The following CAST variants were observed in gnomAD, a reference collection of about 807,000 sequenced individuals.
The protein encoded by CAST is calpastatin.
Under a neutral mutation model 119.6 loss-of-function variants are expected in CAST, and 76 were observed. That is an observed-to-expected ratio of 0.64 (90% CI 0.53 to 0.77). The LOEUF is 0.77. Ranked by LOEUF, CAST falls within the 30% of genes least tolerant of loss-of-function variation. The pLI is 0.00. For missense variants in CAST, 953 were observed against 946.5 expected, an observed-to-expected ratio of 1.01 and a Z score of -0.09; for synonymous variants, 319 against 331.6, an observed-to-expected ratio of 0.96 and a Z score of 0.41.
chr5:96,365,002 C>G, the CAST span, among the ~76,000 whole-genome samples: 6 of 152,182 alleles, frequency 3.9e-5, no homozygotes, highest in South Asian at 1.2e-3. Context: ...TAAGTGTGTC[C>G]CAGAGATTCT....
At chr5:96,402,297 A>G in the CAST span, among the ~76,000 whole-genome samples, 2,107 of 152,330 alleles carry the variant, frequency 0.014, 13 homozygotes, top group Non-Finnish European at 0.021. Flanking sequence ...CCCCATGCAG[A>G]CACAGTGTGC....
At chr5:96,108,839 A>C in the CAST span, among the ~76,000 whole-genome samples, 1 of 152,198 alleles carries the variant, frequency 6.6e-6, no homozygotes, top group Non-Finnish European at 1.5e-5. Context: ...GCCACCTTGC[A>C]GTTGGATCTC....
At chr5:96,616,753 TACAC>T (rs377159898) in intron 1 of CAST, among the ~76,000 whole-genome samples, 13,165 of 130,526 alleles carry the variant, frequency 0.1, 1,152 homozygotes, top group African/African-American at 0.24. Flanking sequence ...TCTATATATA[TACAC>T]ACACACACAC....
chr5:96,386,061 AGATTCGTTTTTAC>A, the CAST span, among the ~76,000 whole-genome samples: 3 of 152,246 alleles, frequency 2.0e-5, no homozygotes, highest in Non-Finnish European at 2.9e-5. Flanking sequence ...TATTTATCTC[AGATTCGTTTTTAC>A]GATTCTTGTG....
At chr5:96,127,838 A>G in the CAST span, among the ~76,000 whole-genome samples, 4 of 152,036 alleles carry the variant, frequency 2.6e-5, no homozygotes, top group African/African-American at 7.2e-5. Flanking sequence ...TTTGTGATAA[A>G]CCCTGTTGGT....
At chr5:96,718,172 T>G (rs577002741) in intron 3 of CAST, among the ~76,000 whole-genome samples, 4 of 152,252 alleles carry the variant, frequency 2.6e-5, no homozygotes, top group African/African-American at 9.6e-5. Flanking sequence ...AGAGGTTAAT[T>G]TGGGCTAATA....
the CAST span, among the ~76,000 whole-genome samples, chr5:96,263,425 G>A: frequency 6.6e-6 from 1 of 152,138 alleles, no homozygotes; most frequent in African/African-American, 2.4e-5. Flanking sequence ...GAGCCATTAT[G>A]GATGGATGGA....
chr5:96,697,082 G>A (rs1382649748), intron 3 of CAST, among the ~76,000 whole-genome samples: 1 of 150,550 alleles, frequency 6.6e-6, no homozygotes, highest in African/African-American at 2.4e-5. Context: ...GCAGGAGAAT[G>A]GCTTGAACCC....
chr5:96,211,211 A>T, the CAST span, among the ~76,000 whole-genome samples: 3 of 151,974 alleles, frequency 2.0e-5, no homozygotes, highest in African/African-American at 7.2e-5. Context: ...GGTGAGTAAG[A>T]GTGATAAAAG....
intron 3 of CAST, among the ~76,000 whole-genome samples, chr5:96,699,573 C>G (rs929344828): frequency 2.0e-5 from 3 of 152,312 alleles, no homozygotes; most frequent in Admixed American, 2.0e-4. Context: ...GCAGAAGACT[C>G]AAAATCCCTA....
At chr5:96,126,886 A>T in the CAST span, among the ~76,000 whole-genome samples, 1 of 152,138 alleles carries the variant, frequency 6.6e-6, no homozygotes, top group Non-Finnish European at 1.5e-5. Context: ...CATATTTTGA[A>T]TTCAATGGGA....
chr5:96,325,461 T>TA, the CAST span, among the ~76,000 whole-genome samples: 3 of 151,016 alleles, frequency 2.0e-5, no homozygotes, highest in African/African-American at 7.3e-5. Context: ...TTCTTTTATT[T>TA]TTTTATTTAT....
At chr5:96,066,858 G>T in the CAST span, among the ~76,000 whole-genome samples, 1 of 151,922 alleles carries the variant, frequency 6.6e-6, no homozygotes, top group African/African-American at 2.4e-5. Context: ...TAGAGATGGG[G>T]TCTTAGTATG....
the CAST span, among the ~76,000 whole-genome samples, chr5:96,155,010 A>G: frequency 6.6e-6 from 1 of 152,168 alleles, no homozygotes; most frequent in Non-Finnish European, 1.5e-5. Context: ...CAGAATACTT[A>G]TGTAAGTTAT....
chr5:96,739,636 A>G (rs1308718310), intron 11 of CAST, among the ~76,000 whole-genome samples: 2 of 152,194 alleles, frequency 1.3e-5, no homozygotes, highest in African/African-American at 4.8e-5. Flanking sequence ...TGAGAATGCT[A>G]AACAGGAGAC....
At chr5:96,685,185 T>G (rs1302018267) in intron 2 of CAST, among the ~76,000 whole-genome samples, 1 of 152,130 alleles carries the variant, frequency 6.6e-6, no homozygotes, top group East Asian at 1.9e-4. Flanking sequence ...TTATATTTTA[T>G]TGCTTGTGGA....
chr5:96,412,764 T>G, the CAST span, among the ~76,000 whole-genome samples: 15 of 145,690 alleles, frequency 1.0e-4, 1 homozygote, highest in East Asian at 2.9e-3. Flanking sequence ...TTTTTTTTTT[T>G]TTTTTTTTTT....
the CAST span, among the ~76,000 whole-genome samples, chr5:96,272,557 C>T: frequency 6.6e-6 from 1 of 151,950 alleles, no homozygotes; most frequent in South Asian, 2.1e-4. Flanking sequence ...AAGTGGATCT[C>T]ATGAAGACAG....
chr5:95,996,426 A>G, the CAST span, among the ~76,000 whole-genome samples: 3 of 152,192 alleles, frequency 2.0e-5, no homozygotes, highest in African/African-American at 7.2e-5. Flanking sequence ...CACCTTTAAC[A>G]GTGATAATTA....
Sources: gnomAD v4.1 joint callset for allele counts (sites outside exome capture counted in the v4.1 genomes callset) on GRCh38, gnomAD v4.1.1 for gene constraint, MANE v1.5 for transcripts, NCBI Gene and HGNC (gene_info 2026-07-23, HGNC 2026-07-21) for gene names.